SLC44A1: variants seen among roughly 807,000 people sequenced by gnomAD.
The protein encoded by SLC44A1 is choline transporter-like protein 1.
Under a neutral mutation model 79.3 loss-of-function variants are expected in SLC44A1, and 26 were observed. The ratio of observed to expected loss-of-function variants is 0.33; its 90% confidence interval spans 0.24 to 0.46. SLC44A1 has a LOEUF of 0.46. SLC44A1 is among the 20% of genes least tolerant of loss of function. The probability of loss-of-function intolerance (pLI) is 1.00; values close to 1 mark genes in which losing one functional copy is unlikely to be tolerated. For missense variants in SLC44A1, 688 were observed against 798.1 expected (o/e 0.86, Z 1.66); for synonymous variants, 263 against 286.2 (o/e 0.92, Z 0.82).
In SLC44A1 at chr9:105,391,719, A is replaced by C. The variant is rs909554526; in HGVS notation, c.*2663A>C. On this transcript the variant is annotated 3_prime_UTR_variant, in exon 16 of 16. Transcript: ENST00000374720. The stretch of plus-strand genomic sequence containing the variant: ...GCTAGCTATGGGCTGCCTTATTGCT[A>C]TTCGCTCACTGCTTCCATCTTCTGC... 5.1e-6 allele frequency: 5 copies of C among 985,160 alleles called. No individual in the cohort carries two copies. In the African/African-American group the frequency reaches 8.7e-5, roughly 17 times the overall value. 61.0% of individuals were successfully genotyped at this position (985,160 alleles called of 1,614,324 possible).
At chr9:105,379,344 G>A (rs1279120883) in intron 13 of SLC44A1, among the ~76,000 whole-genome samples, 2 of 152,166 alleles carry the variant, frequency 1.3e-5, no homozygotes, top group African/African-American at 4.8e-5. Flanking sequence ...GGGTTGAGGA[G>A]GAGGGGAAAT....
At chr9:105,267,379 A>G (rs905031437) in intron 1 of SLC44A1, among the ~76,000 whole-genome samples, 1 of 152,250 alleles carries the variant, frequency 6.6e-6, no homozygotes, top group South Asian at 2.1e-4. Flanking sequence ...GGCTCTTTCA[A>G]TCTGGAAATT....
intron 4 of SLC44A1, among the ~76,000 whole-genome samples, chr9:105,345,757 TA>T (rs1296775381): frequency 2.0e-5 from 3 of 152,304 alleles, no homozygotes; most frequent in East Asian, 3.8e-4. Context: ...TTTACCATGA[TA>T]AATGTTTATA....
At chr9:105,276,978 C>T (rs112682280) in intron 1 of SLC44A1, among the ~76,000 whole-genome samples, 1,917 of 152,142 alleles carry the variant, frequency 0.013, 14 homozygotes, top group Admixed American at 0.018. Flanking sequence ...TGAGGGGACA[C>T]GGGTGGAAGC....
chr9:105,340,913 G>C lies in SLC44A1; in HGVS notation c.406+5214G>C, dbSNP rs368701439. 5.3e-5 allele frequency among the ~76,000 whole-genome samples: 8 copies of C among 152,312 alleles called. No homozygotes were observed. In the East Asian group the frequency reaches 1.2e-3, roughly 22 times the overall value. On this transcript the variant is annotated intron_variant, in intron 4 of 15. Transcript: ENST00000374720. ...GGAGTTGTTTTCTTGGGCACTTAGA[G>C]TTTGTGGAATGCCCCTGTCAAGTAT... is the stretch of plus-strand genomic sequence containing the variant.
intron 13 of SLC44A1, among the ~76,000 whole-genome samples, chr9:105,375,955 G>A (rs1828267357): frequency 6.6e-6 from 1 of 151,494 alleles, no homozygotes; most frequent in African/African-American, 2.4e-5. Context: ...ATACGTACCT[G>A]TTTGTCCCGC....
chr9:105,276,614 G>GTGTA (rs1830212156), intron 1 of SLC44A1, among the ~76,000 whole-genome samples: 1 of 136,046 alleles, frequency 7.4e-6, no homozygotes, highest in Non-Finnish European at 1.6e-5. Flanking sequence ...GTGTGTGTGT[G>GTGTA]TGTGTATGTG....
intron 15 of SLC44A1, among the ~76,000 whole-genome samples, chr9:105,407,344 A>G (rs1414519239): frequency 6.6e-6 from 1 of 150,928 alleles, no homozygotes; most frequent in East Asian, 2.0e-4. Flanking sequence ...TCCACATAAA[A>G]TAAACCTAAA....
At chr9:105,349,297 C>T (rs895013937) in intron 5 of SLC44A1, among the ~76,000 whole-genome samples, 2 of 152,076 alleles carry the variant, frequency 1.3e-5, no homozygotes, top group Non-Finnish European at 2.9e-5. Flanking sequence ...CTTGAGGCCA[C>T]TTTAATTGTA....
chr9:105,371,951 ATTTT>A (rs1166547519), intron 12 of SLC44A1, among the ~76,000 whole-genome samples: 2 of 152,084 alleles, frequency 1.3e-5, no homozygotes, highest in Non-Finnish European at 2.9e-5. Context: ...AGTGTAGTTT[ATTTT>A]TACTTCATTG....
At chr9:105,267,011 G>A (rs1204519954) in intron 1 of SLC44A1, among the ~76,000 whole-genome samples, 1 of 151,948 alleles carries the variant, frequency 6.6e-6, no homozygotes, top group Non-Finnish European at 1.5e-5. Flanking sequence ...CTCTGTACTG[G>A]TGTTATTTTT....
At position 105,335,649 on chromosome 9, in the gene SLC44A1, G is replaced by C. The variant is rs1347484909; in HGVS notation, c.356G>C (p.Arg119Thr). Residue 119 changes from arginine to threonine, a missense_variant, in exon 4 of 16, where the codon AGG becomes ACG. Transcript: ENST00000374720. ...SVALCVAACP[R>T]QELKTLSDVQ... ...GCACTGTGTGTAGCAGCGTGTCCAAGGCAAGAACTGAAAACTCTGAGTGAT... is the reference window on the plus strand; with the variant it reads ...GCACTGTGTGTAGCAGCGTGTCCAACGCAAGAACTGAAAACTCTGAGTGAT... 1.9e-6 allele frequency: 3 copies of C among 1,613,766 alleles called. No homozygotes were observed. The highest frequency in any genetic ancestry group is 1.6e-4 in the Middle Eastern group (1 of 6,062).
chr9:105,331,789 T>C (rs1192371717), intron 3 of SLC44A1, among the ~76,000 whole-genome samples: 1 of 152,232 alleles, frequency 6.6e-6, no homozygotes, highest in Non-Finnish European at 1.5e-5. Context: ...TAGTGCAGAA[T>C]GGAAACAGTG....
intron 3 of SLC44A1, among the ~76,000 whole-genome samples, chr9:105,334,687 C>T (rs1265676678): frequency 6.6e-6 from 1 of 152,156 alleles, no homozygotes; most frequent in Non-Finnish European, 1.5e-5. Flanking sequence ...ATGTTTAGCC[C>T]TTACTTTCTC....
intron 15 of SLC44A1, among the ~76,000 whole-genome samples, chr9:105,404,233 CA>C (rs71489339): frequency 0.039 from 1,724 of 44,408 alleles, 7 homozygotes; most frequent in African/African-American, 0.068. Flanking sequence ...GGACTCATCT[CA>C]AAAAAAAAAA....
intron 1 of SLC44A1, among the ~76,000 whole-genome samples, chr9:105,298,517 T>C (rs1830789577): frequency 6.6e-6 from 1 of 152,044 alleles, no homozygotes; most frequent in African/African-American, 2.4e-5. Flanking sequence ...GCCCAGCTAA[T>C]GTTTGTATTT....
intron 15 of SLC44A1, among the ~76,000 whole-genome samples, chr9:105,418,314 C>CAAAAA (rs10617928): frequency 1.4e-4 from 8 of 57,802 alleles, no homozygotes; most frequent in South Asian, 7.6e-4. Context: ...AACTCCGTCT[C>CAAAAA]AAAAAAAAAA....
At chr9:105,255,821 T>A (rs1829690735) in intron 1 of SLC44A1, among the ~76,000 whole-genome samples, 1 of 152,190 alleles carries the variant, frequency 6.6e-6, no homozygotes, top group Non-Finnish European at 1.5e-5. Flanking sequence ...TGCCTGAGTT[T>A]CACCAGCTAT....
intron 1 of SLC44A1, among the ~76,000 whole-genome samples, chr9:105,255,101 GT>G (rs74312883): frequency 0.014 from 1,579 of 111,794 alleles, 15 homozygotes; most frequent in African/African-American, 0.035. Flanking sequence ...AGGTTTTTTT[GT>G]TTTTTTTTTT....
Sources: allele counts gnomAD v4.1 joint callset (sites outside exome capture counted in the v4.1 genomes callset), GRCh38; gene constraint gnomAD v4.1.1; transcripts MANE v1.5; gene names NCBI Gene and HGNC (gene_info 2026-07-23, HGNC 2026-07-21).